Variants in ACACA observed in about 807,000 individuals in gnomAD.
ACACA encodes the protein acetyl-CoA carboxylase alpha.
ACACA carries 103 observed loss-of-function variants against 296.1 expected under a neutral mutation model. That is an observed-to-expected ratio of 0.35 (90% confidence interval 0.30 to 0.41). ACACA has a LOEUF of 0.41. Ranked by LOEUF, ACACA falls within the 10% of genes least tolerant of loss-of-function variation. The pLI is 1.00. For missense variants in ACACA, 1,554 were observed against 2,989.7 expected, an observed-to-expected ratio of 0.52 and a Z score of 11.20; for synonymous variants, 953 against 1,038.6, an observed-to-expected ratio of 0.92 and a Z score of 1.58.
At chr17:37,173,618 T>TA (rs562014310) in intron 41 of ACACA, among the ~76,000 whole-genome samples, 1 of 151,900 alleles carries the variant, frequency 6.6e-6, no homozygotes, top group African/African-American at 2.4e-5. Context: ...ATGTTTAAAA[T>TA]AAAAAAATTA....
intron 41 of ACACA, among the ~76,000 whole-genome samples, chr17:37,166,782 G>A (rs1214446185): frequency 6.6e-6 from 1 of 152,108 alleles, no homozygotes; most frequent in Admixed American, 6.5e-5. Context: ...CCTTTCTGGA[G>A]GTATTGTTGT....
At chr17:37,400,740 C>CTGTCTGTG (rs143452014) in intron 1 of ACACA, among the ~76,000 whole-genome samples, 13 of 147,460 alleles carry the variant, frequency 8.8e-5, no homozygotes, top group Admixed American at 2.0e-4. Context: ...GTGTGTGTGT[C>CTGTCTGTG]TGTGTGTGTG....
chr17:37,206,736 C>A (rs993139929), intron 32 of ACACA, 47 bp downstream of exon 32: 3 of 1,436,708 alleles, frequency 2.1e-6, no homozygotes, highest in Non-Finnish European at 2.0e-6. Context: ...CAGTAGAAGT[C>A]CCATGTCTGA....
rs528630329 is a variant in ACACA, at chr17:37,188,155, T to C, written c.4776+122A>G. ...AAATTCATACAATCATTTAATCTTATAGAGGATAATCCCACCAGGTGAACC... is the reference window on the plus strand; with the variant it reads ...AAATTCATACAATCATTTAATCTTACAGAGGATAATCCCACCAGGTGAACC... On this transcript the variant is annotated intron_variant, in intron 39 of 55. Transcript: ENST00000616317. The C allele has an allele frequency of 9.1e-4, 868 of 953,084 alleles. 2 individuals are homozygous for C. Among genetic ancestry groups the C allele is most frequent in the Non-Finnish European group, 1.3e-3 (762 of 604,368 alleles). 59.0% of individuals were successfully genotyped at this position (953,084 alleles called of 1,614,324 possible).
intron 4 of ACACA, 73 bp from the exon 5 acceptor site, chr17:37,283,478 G>C: frequency 1.0e-4 from 152 of 1,480,218 alleles, no homozygotes; most frequent in Non-Finnish European, 1.3e-4. Flanking sequence ...AGAGATGAGA[G>C]AATTTTTACA....
At position 37,275,943 on chromosome 17, in the gene ACACA, G is replaced by A; in HGVS notation, c.901+8C>T. 1 of 1,611,254 alleles carries A rather than the reference G, an allele frequency of 6.2e-7. No individual in the cohort carries two copies. Among genetic ancestry groups the A allele is most frequent in the East Asian group, 2.2e-5 (1 of 44,862 alleles). ...ACTTCAAGATACAAACAAGAATTCAGTTCTTACCACTGCCGCTCCAGGGAA... is the reference window on the plus strand; with the variant it reads ...ACTTCAAGATACAAACAAGAATTCAATTCTTACCACTGCCGCTCCAGGGAA... On this transcript the variant is annotated splice_region_variant and intron_variant, in intron 8 of 55. Transcript: ENST00000616317.
In ACACA at chr17:37,257,776, C is replaced by T; in HGVS notation, c.1753G>A (p.Gly585Arg). Residue 585 changes from glycine (G) to arginine (R), a missense_variant, in exon 14 of 56, where the codon GGA (glycine) becomes AGA (arginine). Around this residue, in one of 16 missense-constraint regions of ACACA, gnomAD observed 35 missense variants for 139.4 expected, o/e 0.25. Transcript: ENST00000616317. ...WGYFSVAAAG[G>R]LHEFADSQFG... ...TGAGAATCAGCAAATTCATGAAGTC[C>T]CCCTGCAGCAGCAACACTGAAATAT... 1 of 1,614,104 alleles carries T rather than the reference C, an allele frequency of 6.2e-7. No individual in the cohort carries two copies. The highest frequency in any genetic ancestry group is 8.5e-7 in the Non-Finnish European group (1 of 1,180,002).
intron 3 of ACACA, among the ~76,000 whole-genome samples, chr17:37,308,901 C>T (rs1256179350): frequency 1.3e-5 from 2 of 151,936 alleles, no homozygotes; most frequent in African/African-American, 4.8e-5. Flanking sequence ...TGCGCTACTG[C>T]CCTCAAATAA....
At chr17:37,123,834 G>GTAACTTA (rs1158687483) in intron 48 of ACACA, among the ~76,000 whole-genome samples, 1 of 152,156 alleles carries the variant, frequency 6.6e-6, no homozygotes, top group East Asian at 1.9e-4. Flanking sequence ...CCCTAAATCG[G>GTAACTTA]TAACTTATAA....
At chr17:37,324,918 G>A (rs945881012) in intron 3 of ACACA, among the ~76,000 whole-genome samples, 55 of 151,672 alleles carry the variant, frequency 3.6e-4, no homozygotes, top group African/African-American at 1.3e-3. Flanking sequence ...AGCCAGGCAT[G>A]GTGGGCTGGG....
chr17:37,279,872 G>A (rs772318456), intron 5 of ACACA, among the ~76,000 whole-genome samples: 17 of 151,980 alleles, frequency 1.1e-4, no homozygotes, highest in Non-Finnish European at 2.1e-4. Flanking sequence ...TATATTTTTG[G>A]TATATATATG....
chr17:37,142,485 T>C (rs1019559621), intron 45 of ACACA, among the ~76,000 whole-genome samples: 5 of 152,272 alleles, frequency 3.3e-5, no homozygotes, highest in Non-Finnish European at 7.3e-5. Context: ...CTGTCCATTG[T>C]GCAATAATTT....
At chr17:37,262,157 T>C (rs2081542631) in intron 11 of ACACA, among the ~76,000 whole-genome samples, 1 of 152,150 alleles carries the variant, frequency 6.6e-6, no homozygotes, top group Non-Finnish European at 1.5e-5. Context: ...GATTATGAAA[T>C]GCCCTCCAGT....
intron 39 of ACACA, among the ~76,000 whole-genome samples, chr17:37,182,664 C>T (rs2077370706): frequency 6.6e-6 from 1 of 152,124 alleles, no homozygotes; most frequent in African/African-American, 2.4e-5. Context: ...GCAGTGAATA[C>T]AAATGGAGAT....
intron 3 of ACACA, among the ~76,000 whole-genome samples, chr17:37,327,075 G>A (rs1262077550): frequency 2.6e-5 from 4 of 152,096 alleles, no homozygotes; most frequent in Admixed American, 2.6e-4. Flanking sequence ...GAATGTACCT[G>A]CCCCCTTAAT....
chr17:37,122,994 GT>G (rs1417215327), intron 48 of ACACA, among the ~76,000 whole-genome samples: 1 of 152,188 alleles, frequency 6.6e-6, no homozygotes, highest in African/African-American at 2.4e-5. Flanking sequence ...CATCTCCTTG[GT>G]GAAGATGGTA....
intron 1 of ACACA, among the ~76,000 whole-genome samples, chr17:37,402,401 T>C (rs1275003273): frequency 6.6e-6 from 1 of 152,128 alleles, no homozygotes; most frequent in African/African-American, 2.4e-5. Context: ...AAATGGAGTC[T>C]AAGATAGGGC....
chr17:37,111,460 G>A (rs2073967662), intron 52 of ACACA, 71 bp downstream of exon 52: 3 of 1,093,650 alleles, frequency 2.7e-6, no homozygotes, highest in South Asian at 2.5e-5. Context: ...CTCCTCCCCT[G>A]GCCTATGAAT....
intron 45 of ACACA, among the ~76,000 whole-genome samples, chr17:37,145,433 T>A (rs1281480588): frequency 6.6e-6 from 1 of 152,182 alleles, no homozygotes; most frequent in Non-Finnish European, 1.5e-5. Context: ...AGAGTTAGGA[T>A]CTACTACCTT....
Sources: allele counts gnomAD v4.1 joint callset (sites outside exome capture counted in the v4.1 genomes callset), GRCh38; gene constraint gnomAD v4.1.1; regional missense constraint gnomAD v4.1.1; transcripts MANE v1.5; gene names NCBI Gene and HGNC (gene_info 2026-07-23, HGNC 2026-07-21).